ZNF600: variants seen among roughly 807,000 people sequenced by gnomAD.
The protein encoded by ZNF600 is zinc finger protein KR-ZNF1.
In ZNF600, 4 loss-of-function variants were observed where a neutral mutation model predicts 7.3. That is an observed-to-expected ratio of 0.55 (90% CI 0.27 to 1.25). The LOEUF (loss-of-function observed/expected upper bound fraction) is 1.25, where lower values mean the gene tolerates loss of function less well. Among genes scored for constraint, ZNF600 ranks in the 50% most tolerant of loss-of-function variants. The probability of loss-of-function intolerance (pLI) is 0.12; values close to 1 mark genes in which losing one functional copy is unlikely to be tolerated. For synonymous variants in ZNF600, 290 were observed against 308.9 expected (o/e 0.94, Z 0.64); for missense variants, 911 against 922.1 (o/e 0.99, Z 0.16).
intron 3 of ZNF600, among the ~76,000 whole-genome samples, chr19:52,772,098 A>G (rs2062634513): frequency 6.6e-6 from 1 of 152,202 alleles, no homozygotes; most frequent in Non-Finnish European, 1.5e-5. Flanking sequence ...GAATCACCTG[A>G]GGTTGGGAGT....
chr19:52,809,927 G>C, the ZNF600 span: 3 of 858,286 alleles, frequency 3.5e-6, no homozygotes, highest in South Asian at 2.8e-5. Flanking sequence ...CCGGTGGGGA[G>C]GCCGGGGAGG....
chr19:52,804,537 A>C, the ZNF600 span, among the ~76,000 whole-genome samples: 1 of 152,046 alleles, frequency 6.6e-6, no homozygotes, highest in Non-Finnish European at 1.5e-5. Flanking sequence ...TACACAGCTA[A>C]TTTTTGCATT....
the ZNF600 span, among the ~76,000 whole-genome samples, chr19:52,833,443 CTG>C: frequency 3.3e-5 from 5 of 152,254 alleles, no homozygotes; most frequent in African/African-American, 1.2e-4. Context: ...GTGAGTGAAC[CTG>C]TCAGGCAAAA....
the ZNF600 span, chr19:52,797,654 G>A: frequency 6.5e-6 from 1 of 154,934 alleles, no homozygotes; most frequent in African/African-American, 2.4e-5. Context: ...ACATATAAAG[G>A]TGAGAAGTTT....
chr19:52,797,938 CAGCGAAACCCAGTCTCT>C, the ZNF600 span: 1 of 152,174 alleles, frequency 6.6e-6, no homozygotes, highest in African/African-American at 2.4e-5. Context: ...CAGGCTAACA[CAGCGAAACCCAGTCTCT>C]ACTAAAAATA....
intron 1 of ZNF600, among the ~76,000 whole-genome samples, chr19:52,783,213 T>G (rs1246167811): frequency 6.6e-6 from 1 of 152,126 alleles, no homozygotes; most frequent in Non-Finnish European, 1.5e-5. Flanking sequence ...CATTCTCATC[T>G]GTATAATTTA....
chr19:52,775,339 C>T (rs1226251791), intron 2 of ZNF600, among the ~76,000 whole-genome samples: 1 of 152,100 alleles, frequency 6.6e-6, no homozygotes, highest in East Asian at 1.9e-4. Flanking sequence ...ATAATGTGGT[C>T]AAGAGATTGA....
chr19:52,823,498 G>A, the ZNF600 span, among the ~76,000 whole-genome samples: 1 of 152,160 alleles, frequency 6.6e-6, no homozygotes, highest in Non-Finnish European at 1.5e-5. Flanking sequence ...CTACAGGCGT[G>A]CGCCACCGCA....
chr19:52,787,115 C>T (rs754960334), upstream of ZNF600, among the ~76,000 whole-genome samples: 5 of 152,266 alleles, frequency 3.3e-5, no homozygotes, highest in Non-Finnish European at 5.9e-5. Flanking sequence ...TTTCTATTCT[C>T]CATTCACTCA....
At chr19:52,817,639 G>A in the ZNF600 span, among the ~76,000 whole-genome samples, 2 of 152,044 alleles carry the variant, frequency 1.3e-5, no homozygotes, top group Non-Finnish European at 1.5e-5. Flanking sequence ...GCATCCAGAT[G>A]TGGCCCCTGA....
intron 2 of ZNF600, among the ~76,000 whole-genome samples, chr19:52,777,667 T>C (rs1214239755): frequency 6.6e-6 from 1 of 151,694 alleles, no homozygotes; most frequent in Non-Finnish European, 1.5e-5. Flanking sequence ...CCGTCTCAAA[T>C]AAAAATACAA....
the ZNF600 span, among the ~76,000 whole-genome samples, chr19:52,803,385 T>C: frequency 6.6e-6 from 1 of 152,182 alleles, no homozygotes; most frequent in Non-Finnish European, 1.5e-5. Context: ...CTGTGGCACT[T>C]TGTGACATTA....
intron 3 of ZNF600, among the ~76,000 whole-genome samples, chr19:52,773,072 C>T (rs1422148303): frequency 6.6e-6 from 1 of 151,796 alleles, no homozygotes; most frequent in Non-Finnish European, 1.5e-5. Flanking sequence ...GGGGTGTTCA[C>T]TATTACAAAG....
the ZNF600 span, among the ~76,000 whole-genome samples, chr19:52,792,197 A>G: frequency 2.0e-5 from 3 of 152,192 alleles, no homozygotes; most frequent in African/African-American, 7.2e-5. Context: ...CAGACAGTGG[A>G]TGGCAAAGGA....
the ZNF600 span, among the ~76,000 whole-genome samples, chr19:52,811,750 G>A: frequency 6.3e-3 from 923 of 146,666 alleles, 27 homozygotes; most frequent in African/African-American, 0.024. Flanking sequence ...CGCCCCGTCC[G>A]GGAGGGAGGT....
At chr19:52,775,377 A>G (rs1266334581) in intron 2 of ZNF600, among the ~76,000 whole-genome samples, 2 of 151,586 alleles carry the variant, frequency 1.3e-5, no homozygotes, top group Non-Finnish European at 2.9e-5. Context: ...TGGCAAAACC[A>G]TGTCTCTACT....
chr19:52,771,236 G>C (rs1193209322), intron 3 of ZNF600, among the ~76,000 whole-genome samples: 1 of 152,136 alleles, frequency 6.6e-6, no homozygotes, highest in Non-Finnish European at 1.5e-5. Flanking sequence ...AAACCACGAA[G>C]AAGGCTCTCA....
At chr19:52,832,048 C>T in the ZNF600 span, among the ~76,000 whole-genome samples, 1 of 143,488 alleles carries the variant, frequency 7.0e-6, no homozygotes, top group South Asian at 2.4e-4. Context: ...AAACCATGGG[C>T]TTATCCATCC....
chr19:52,808,467 G>A, the ZNF600 span, among the ~76,000 whole-genome samples: 1 of 152,186 alleles, frequency 6.6e-6, no homozygotes, highest in South Asian at 2.1e-4. Context: ...CTTAAAAGAT[G>A]ACAATGTCCA....
Sources: allele counts gnomAD v4.1 joint callset (sites outside exome capture counted in the v4.1 genomes callset), GRCh38; gene constraint gnomAD v4.1.1; transcripts MANE v1.5; gene names NCBI Gene and HGNC (gene_info 2026-07-23, HGNC 2026-07-21).